Variants in C6 observed in about 807,000 individuals in gnomAD.
The protein encoded by C6 is complement C6, also known as complement component C6.
In C6, 101 loss-of-function variants were observed where a neutral mutation model predicts 112.9. The observed-to-expected ratio is 0.89, with a 90% CI of 0.76 to 1.06. The LOEUF (loss-of-function observed/expected upper bound fraction) is 1.06, where lower values mean the gene tolerates loss of function less well. Among genes scored for constraint, C6 ranks in the 50% least tolerant of loss-of-function variants. The probability of loss-of-function intolerance (pLI) is 0.00; values close to 1 mark genes in which losing one functional copy is unlikely to be tolerated. For synonymous variants in C6, 431 were observed against 384.1 expected (o/e 1.12, Z -1.43); for missense variants, 1,202 against 1,104.6 (o/e 1.09, Z -1.25).
intron 8 of C6, 109 bp downstream of exon 8, chr5:41,176,366 G>A (rs549965192): frequency 1.0e-5 from 11 of 1,102,968 alleles, no homozygotes; most frequent in Middle Eastern, 5.8e-4. Context: ...TGGAAATAAA[G>A]CAGGATCTAA....
At chr5:41,260,268 C>CCACA in intron 1 of C6, among the ~76,000 whole-genome samples, 1 of 150,922 alleles carries the variant, frequency 6.6e-6, no homozygotes, top group African/African-American at 2.4e-5. Context: ...CACAAACACA[C>CCACA]CACACACACA....
intron 1 of C6, among the ~76,000 whole-genome samples, chr5:41,209,792 C>G (rs181648389): frequency 6.6e-6 from 1 of 152,288 alleles, no homozygotes; most frequent in African/African-American, 2.4e-5. Flanking sequence ...CCATACTGCT[C>G]AAGGTAATTT....
At chr5:41,184,254 G>T (rs1749590269) in intron 6 of C6, among the ~76,000 whole-genome samples, 1 of 152,074 alleles carries the variant, frequency 6.6e-6, no homozygotes, top group African/African-American at 2.4e-5. Context: ...ACTTCAAGGG[G>T]GATACATTTT....
At chr5:41,213,691 T>A, upstream of C6, 7 of 214,250 alleles carry the variant, frequency 3.3e-5, no homozygotes, top group Non-Finnish European at 5.6e-5. Context: ...TTGTAGTAGC[T>A]ATTGCTACTG....
intron 14 of C6, among the ~76,000 whole-genome samples, chr5:41,154,258 A>T (rs972855700): frequency 6.6e-6 from 1 of 152,182 alleles, no homozygotes; most frequent in Non-Finnish European, 1.5e-5. Context: ...AACTTTTATG[A>T]AATCATTGGG....
In C6 at chr5:41,250,207, A is replaced by G. The variant is rs563339985; in HGVS notation, c.-21+10987T>C. 5.9e-4 allele frequency among the ~76,000 whole-genome samples: 89 copies of G among 152,052 alleles called. 2 individuals are homozygous for G. The highest frequency in any genetic ancestry group is 5.8e-4 in the East Asian group (3 of 5,174). On this transcript the variant is annotated intron_variant, in intron 1 of 17. Transcript: ENST00000263413. ...TTCCAGAATGGAAAATTCCACCTCCACTCTCACCCTAGGCTTGAGGAGAAA... is the reference window on the plus strand; with the variant it reads ...TTCCAGAATGGAAAATTCCACCTCCGCTCTCACCCTAGGCTTGAGGAGAAA...
intron 1 of C6, among the ~76,000 whole-genome samples, chr5:41,209,754 G>A (rs1343013753): frequency 6.6e-6 from 1 of 152,270 alleles, no homozygotes; most frequent in South Asian, 2.1e-4. Context: ...ATGCTCATGT[G>A]TAGGAAGAAT....
Position 41,149,427 on chromosome 5 carries a change from A to T in C6, c.2437T>A (p.Ser813Thr), listed in dbSNP as rs755206114. 1.9e-6 allele frequency: 3 copies of T among 1,614,090 alleles called. No homozygotes were observed. The highest frequency in any genetic ancestry group is 3.3e-5 in the Admixed American group (2 of 60,008). The change falls in exon 17 of 18, where the codon TCA becomes ACA. Residue 813 changes from serine (S) to threonine (T), a missense_variant. Coordinates refer to ENST00000337836, the MANE Select transcript of C6 (RefSeq NM_000065.5). ...FDTDSNDYFTSPACKFLAEKC... is the reference protein window; with the variant it reads ...FDTDSNDYFTTPACKFLAEKC... ...TCAGCCAAAAACTTACAAGCGGGTG[A>T]AGTAAAGTAATCGTTGGAGTCTGTG...
intron 1 of C6, among the ~76,000 whole-genome samples, chr5:41,239,099 T>TTTC (rs1202651635): frequency 2.8e-5 from 4 of 142,074 alleles, no homozygotes; most frequent in African/African-American, 1.0e-4. Context: ...TATAATTTCT[T>TTTC]TTCTTTTCTT....
intron 5 of C6, among the ~76,000 whole-genome samples, chr5:41,191,704 C>G (rs1435135280): frequency 6.6e-6 from 1 of 151,154 alleles, no homozygotes. Flanking sequence ...TTCCCTCTAG[C>G]TCGTGATAAT....
chr5:41,158,971 TA>T, intron 12 of C6, 110 bp downstream of exon 12: 1 of 1,363,660 alleles, frequency 7.3e-7, no homozygotes. Context: ...TTGGCATAGG[TA>T]AAGTTCTAAT....
At chr5:41,175,185 G>C (rs1228721055) in intron 8 of C6, among the ~76,000 whole-genome samples, 1 of 152,132 alleles carries the variant, frequency 6.6e-6, no homozygotes, top group African/African-American at 2.4e-5. Flanking sequence ...GAGGGAGGAA[G>C]GGGACACCCA....
intron 1 of C6, among the ~76,000 whole-genome samples, chr5:41,219,677 C>A (rs1739044359): frequency 6.6e-6 from 1 of 151,978 alleles, no homozygotes; most frequent in African/African-American, 2.4e-5. Flanking sequence ...TAGCTAAGTT[C>A]GTAGTTACAA....
chr5:41,252,539 C>A (rs963643768), intron 1 of C6, among the ~76,000 whole-genome samples: 40 of 152,120 alleles, frequency 2.6e-4, no homozygotes, highest in African/African-American at 9.4e-4. Context: ...GATAGCAGGT[C>A]CTGAAGAAAA....
intron 14 of C6, among the ~76,000 whole-genome samples, chr5:41,154,647 C>T (rs576365790): frequency 1.4e-4 from 21 of 152,270 alleles, no homozygotes; most frequent in Non-Finnish European, 2.8e-4. Flanking sequence ...CAGCATTTTG[C>T]GTCAATTTGA....
chr5:41,153,556 G>T (rs1005421644), intron 15 of C6, among the ~76,000 whole-genome samples: 1 of 152,128 alleles, frequency 6.6e-6, no homozygotes, highest in South Asian at 2.1e-4. Flanking sequence ...TTTATTTAAG[G>T]TTATTCAAAA....
chr5:41,215,992 T>G (rs1561182554), upstream of C6, among the ~76,000 whole-genome samples: 1 of 152,046 alleles, frequency 6.6e-6, no homozygotes, highest in Non-Finnish European at 1.5e-5. Flanking sequence ...CTCTTCAGAG[T>G]GTGCTTTGTC....
intron 1 of C6, among the ~76,000 whole-genome samples, chr5:41,212,492 C>T (rs899426614): frequency 1.2e-4 from 19 of 152,094 alleles, no homozygotes; most frequent in African/African-American, 4.6e-4. Context: ...AATTACTTCT[C>T]TGAATTTTTT....
chr5:41,200,902 T>G (rs1430105257), intron 3 of C6, among the ~76,000 whole-genome samples: 1 of 143,980 alleles, frequency 6.9e-6, no homozygotes, highest in Non-Finnish European at 1.5e-5. Context: ...TTTTTTTTTT[T>G]TTTTTTTTTT....
Sources: gnomAD v4.1 joint callset for allele counts (sites outside exome capture counted in the v4.1 genomes callset) on GRCh38, gnomAD v4.1.1 for gene constraint, MANE v1.5 for transcripts, NCBI Gene and HGNC (gene_info 2026-07-23, HGNC 2026-07-21) for gene names.